GNE: variants seen among roughly 807,000 people sequenced by gnomAD.
The protein encoded by GNE is bifunctional UDP-N-acetylglucosamine 2-epimerase/N-acetylmannosamine kinase.
In GNE, 41 loss-of-function variants were observed where a neutral mutation model predicts 61.8. The ratio of observed to expected loss-of-function variants is 0.66; its 90% CI spans 0.52 to 0.86. GNE has a LOEUF of 0.86. Ranked by LOEUF, GNE falls within the 40% of genes least tolerant of loss-of-function variation. GNE has a pLI of 0.00. For missense variants in GNE, 608 were observed against 909.1 expected (o/e 0.67, Z 4.26); for synonymous variants, 264 against 326.4 (o/e 0.81, Z 2.06).
At position 36,274,115 on chromosome 9, in the gene GNE, T is replaced by A. The variant is rs112599028; in HGVS notation, c.51+2779A>T. ...GTGTGTGTGTGTGTGTGTGTGTGTG[T>A]GACAGGGTCTTACTCTATCACCCAG... is the stretch of plus-strand genomic sequence containing the variant. On this transcript the variant is annotated intron_variant, in intron 1 of 11. Coordinates refer to the GNE transcript ENST00000396594. Among the ~76,000 whole-genome samples, 1,272 of 144,684 alleles carry A rather than the reference T, an allele frequency of 8.8e-3. 19 individuals are homozygous for A. Among genetic ancestry groups the A allele is most frequent in the African/African-American group, 0.03 (1,169 of 39,044 alleles). The allele number at this position is 144,684 out of a possible 152,430, so 94.9% of individuals were successfully genotyped here.
chr9:36,269,660 C>CTT (rs761810143), intron 1 of GNE, among the ~76,000 whole-genome samples: 1 of 92,128 alleles, frequency 1.1e-5, no homozygotes, highest in Admixed American at 1.1e-4. Flanking sequence ...TTTCTTTCTT[C>CTT]TTTCTTTTTT....
At chr9:36,265,906 A>G (rs1217568406) in intron 1 of GNE, among the ~76,000 whole-genome samples, 1 of 152,098 alleles carries the variant, frequency 6.6e-6, no homozygotes, top group African/African-American at 2.4e-5. Context: ...TTTATCTCCT[A>G]TTATGCGGCC....
chr9:36,243,889 A>G (rs191064849), intron 3 of GNE, among the ~76,000 whole-genome samples: 2 of 152,032 alleles, frequency 1.3e-5, no homozygotes, highest in East Asian at 3.9e-4. Context: ...TAGATTAAAA[A>G]TATACAAAAT....
chr9:36,263,451 CACCGCGCCCG>C (rs1191758135), intron 1 of GNE: 1 of 156,750 alleles, frequency 6.4e-6, no homozygotes, highest in Non-Finnish European at 1.4e-5. Flanking sequence ...AGGTATGAGC[CACCGCGCCCG>C]ACCTACAGTC....
At chr9:36,266,140 A>G (rs1830776390) in intron 1 of GNE, among the ~76,000 whole-genome samples, 1 of 152,088 alleles carries the variant, frequency 6.6e-6, no homozygotes, top group South Asian at 2.1e-4. Flanking sequence ...CATGTTGGCC[A>G]GGCTGGTCGA....
At chr9:36,241,456 T>C (rs1162807579) in intron 3 of GNE, among the ~76,000 whole-genome samples, 1 of 152,188 alleles carries the variant, frequency 6.6e-6, no homozygotes, top group East Asian at 1.9e-4. Flanking sequence ...TAGCAAAAAC[T>C]AGAAGTCTTT....
rs557592104 is a variant in GNE, at chr9:36,216,358, C to CG, written c.*1006dup. ...GTGTGTGTGTGTGTGTGTGTGTAGACGGAGTCTCGCTCTGTCACCCAGGGT... is the reference window on the plus strand; with the variant it reads ...GTGTGTGTGTGTGTGTGTGTGTAGACGGGAGTCTCGCTCTGTCACCCAGGGT... On this transcript the variant is annotated 3_prime_UTR_variant, in exon 12 of 12. Coordinates refer to ENST00000642385, the MANE Select transcript of GNE (RefSeq NM_005476.7). 2.8e-3 allele frequency: 467 copies of CG among 167,100 alleles called. 3 individuals carry two copies. The African/African-American group carries it at 0.067, about 24-fold the overall frequency. The allele number at this position is 167,100 out of a possible 1,614,324, so 10.4% of individuals were successfully genotyped here.
At chr9:36,228,051 A>AC (rs1828972549) in intron 6 of GNE, among the ~76,000 whole-genome samples, 1 of 149,496 alleles carries the variant, frequency 6.7e-6, no homozygotes, top group South Asian at 2.1e-4. Flanking sequence ...AAAAAAAAAA[A>AC]CAACCAACAA....
At chr9:36,232,341 C>A (rs539165573) in intron 5 of GNE, among the ~76,000 whole-genome samples, 2 of 107,046 alleles carry the variant, frequency 1.9e-5, no homozygotes, top group African/African-American at 8.5e-5. Context: ...CCCCCGCCCC[C>A]CCTCCCGACA....
chr9:36,253,008 A>C (rs1830171738), intron 1 of GNE, among the ~76,000 whole-genome samples: 1 of 152,102 alleles, frequency 6.6e-6, no homozygotes, highest in Non-Finnish European at 1.5e-5. Flanking sequence ...AACATACAAA[A>C]AAAATTAGCC....
chr9:36,225,996 T>C (rs1157648369), intron 7 of GNE, among the ~76,000 whole-genome samples: 3 of 152,178 alleles, frequency 2.0e-5, no homozygotes, highest in Non-Finnish European at 4.4e-5. Context: ...CCATTTTTGC[T>C]ATTCCTTCCT....
intron 1 of GNE, among the ~76,000 whole-genome samples, chr9:36,267,337 A>C (rs1587382683): frequency 1.3e-5 from 2 of 152,332 alleles, no homozygotes; most frequent in South Asian, 2.1e-4. Flanking sequence ...CCAATCATAG[A>C]AGAAAGGTAC....
chr9:36,249,742 G>A (rs1830042914), intron 1 of GNE, among the ~76,000 whole-genome samples: 1 of 152,034 alleles, frequency 6.6e-6, no homozygotes, highest in South Asian at 2.1e-4. Flanking sequence ...AAATTAGCTG[G>A]GCGTGGTGGC....
At position 36,227,292 on chromosome 9, in the gene GNE, C is replaced by A. The variant is rs1280775456; in HGVS notation, c.1237G>T (p.Asp413Tyr). 1 of 1,613,912 alleles carries A rather than the reference C, an allele frequency of 6.2e-7. No homozygotes were observed. Among genetic ancestry groups the A allele is most frequent in the East Asian group, 2.2e-5 (1 of 44,874 alleles). The change falls in exon 7 of 12, where the codon GAT (aspartate) becomes TAT (tyrosine). Residue 413 changes from aspartate to tyrosine, a missense_variant. Asp to Tyr is a radical substitution (Grantham distance 160, BLOSUM62 -3). Coordinates refer to ENST00000642385, the MANE Select transcript of GNE (RefSeq NM_005476.7). ...ILETLSALAV[D>Y]LGGTNLRVAI... ...ACTCGGAGGTTCGTCCCGCCAAGAT[C>A]AACGGCCAAGGCACTTAGAGTTTCA...
At chr9:36,254,677 C>A (rs1460783185) in intron 1 of GNE, among the ~76,000 whole-genome samples, 2 of 152,138 alleles carry the variant, frequency 1.3e-5, no homozygotes, top group Admixed American at 6.6e-5. Flanking sequence ...TTCGGCCGGG[C>A]GCAGTGGCTC....
chr9:36,257,477 G>T (rs543528469), intron 1 of GNE, among the ~76,000 whole-genome samples: 1 of 151,882 alleles, frequency 6.6e-6, no homozygotes, highest in African/African-American at 2.4e-5. Flanking sequence ...TAAAAAATAC[G>T]TTCTTGTGTT....
At position 36,220,003 on chromosome 9, in the gene GNE, T is replaced by C. The variant is rs754313408; in HGVS notation, c.1651A>G (p.Ile551Val). 47 of 1,613,740 alleles carry C rather than the reference T, an allele frequency of 2.9e-5. No homozygotes were observed. Among genetic ancestry groups the C allele is most frequent in the African/African-American group, 1.2e-4 (9 of 74,916 alleles). ...ITGTGIGGGI[I>V]HQHELIHGSS... ...CCGTGGATCAATTCATGCTGATGGA[T>C]AATTCCACCACCGATTCCTACAGCG... The change falls in exon 10 of 12, where the codon ATC becomes GTC. Residue 551 changes from isoleucine to valine, a missense_variant. Ile to Val is a conservative substitution (Grantham distance 29, BLOSUM62 3). Coordinates refer to ENST00000642385, the MANE Select transcript of GNE (RefSeq NM_005476.7).
At chr9:36,276,845 CT>C (rs1563966003) in intron 1 of GNE, 2 of 1,403,054 alleles carry the variant, frequency 1.4e-6, no homozygotes, top group Admixed American at 2.0e-5. Flanking sequence ...CCCTTTTTTT[CT>C]GATTGCAATT....
chr9:36,271,439 T>A (rs1369686444), intron 1 of GNE, among the ~76,000 whole-genome samples: 1 of 152,228 alleles, frequency 6.6e-6, no homozygotes, highest in African/African-American at 2.4e-5. Context: ...AGTGGCACGA[T>A]CTCAGCTCAC....
Sources: gnomAD v4.1 joint callset for allele counts (sites outside exome capture counted in the v4.1 genomes callset) on GRCh38, gnomAD v4.1.1 for gene constraint, MANE v1.5 for transcripts, NCBI Gene and HGNC (gene_info 2026-07-23, HGNC 2026-07-21) for gene names.